Variants in AGBL4 observed in about 807,000 individuals in gnomAD.
AGBL4 encodes the protein cytosolic carboxypeptidase 6.
A neutral mutation model predicts 66.4 loss-of-function variants in AGBL4; 58 were observed. The ratio of observed to expected loss-of-function variants is 0.87; its 90% CI spans 0.71 to 1.09. The LOEUF (loss-of-function observed/expected upper bound fraction) is 1.09, where lower values mean the gene tolerates loss of function less well. Among genes scored for constraint, AGBL4 ranks in the 50% least tolerant of loss-of-function variants. The pLI is 0.00. For synonymous variants in AGBL4, 234 were observed against 222.9 expected (o/e 1.05, Z -0.44); for missense variants, 579 against 631.0 (o/e 0.92, Z 0.88).
intron 3 of AGBL4, among the ~76,000 whole-genome samples, chr1:49,515,079 T>C (rs1414858237): frequency 2.0e-5 from 3 of 151,608 alleles, no homozygotes; most frequent in Admixed American, 6.6e-5. Context: ...GCAAAAGAAA[T>C]TACCATCAGA....
At chr1:49,771,437 G>A (rs1318457505) in intron 2 of AGBL4, among the ~76,000 whole-genome samples, 1 of 152,020 alleles carries the variant, frequency 6.6e-6, no homozygotes, top group Admixed American at 6.6e-5. Context: ...CCTGGAGAAT[G>A]CTCCATGAGT....
chr1:49,996,660 C>T (rs1660389832), intron 1 of AGBL4, among the ~76,000 whole-genome samples: 1 of 152,120 alleles, frequency 6.6e-6, no homozygotes, highest in Non-Finnish European at 1.5e-5. Flanking sequence ...TTGAAGAAAA[C>T]ATCCTTAGCC....
chr1:48,731,148 T>C (rs1262003671), intron 6 of AGBL4, among the ~76,000 whole-genome samples: 1 of 151,986 alleles, frequency 6.6e-6, no homozygotes, highest in East Asian at 1.9e-4. Context: ...ACAATCTCAA[T>C]CCAGCAGACA....
chr1:49,862,026 G>A (rs1245482713), intron 1 of AGBL4, among the ~76,000 whole-genome samples: 1 of 151,938 alleles, frequency 6.6e-6, no homozygotes. Flanking sequence ...CAAAAACATG[G>A]TCTCACCAAA....
At chr1:48,637,033 A>G (rs1645678286) in intron 8 of AGBL4, among the ~76,000 whole-genome samples, 1 of 152,248 alleles carries the variant, frequency 6.6e-6, no homozygotes, top group East Asian at 1.9e-4. Context: ...TCTAACCTCA[A>G]GAAATGTATA....
intron 3 of AGBL4, among the ~76,000 whole-genome samples, chr1:49,464,594 T>A (rs1646585273): frequency 6.6e-6 from 1 of 151,790 alleles, no homozygotes; most frequent in Non-Finnish European, 1.5e-5. Context: ...TAGTGTGTTC[T>A]TTTGTTTTTA....
intron 5 of AGBL4, among the ~76,000 whole-genome samples, chr1:49,011,893 T>A (rs1345085384): frequency 2.6e-3 from 55 of 21,430 alleles, no homozygotes; most frequent in African/African-American, 7.2e-3. Flanking sequence ...GGGTGGGGGG[T>A]GGGGGGAGGG....
At chr1:48,527,062 G>C in the AGBL4 span, among the ~76,000 whole-genome samples, 1 of 152,148 alleles carries the variant, frequency 6.6e-6, no homozygotes, top group Admixed American at 6.5e-5. Flanking sequence ...TCTCAGAGAG[G>C]TTGAGGCTTT....
At chr1:49,509,982 C>G (rs903521914) in intron 3 of AGBL4, among the ~76,000 whole-genome samples, 2 of 151,968 alleles carry the variant, frequency 1.3e-5, no homozygotes, top group Non-Finnish European at 2.9e-5. Context: ...GCCTTTTATT[C>G]AAGGATGAGC....
At chr1:49,186,354 C>T (rs1458929751) in intron 4 of AGBL4, among the ~76,000 whole-genome samples, 1 of 152,114 alleles carries the variant, frequency 6.6e-6, no homozygotes, top group Non-Finnish European at 1.5e-5. Flanking sequence ...GGAAAACTGT[C>T]AAATGTGGTT....
chr1:49,857,216 T>C (rs991797923), intron 1 of AGBL4, among the ~76,000 whole-genome samples: 1 of 151,720 alleles, frequency 6.6e-6, no homozygotes, highest in African/African-American at 2.4e-5. Flanking sequence ...CTGATGAATA[T>C]AAAAATAAAA....
At chr1:49,948,022 A>AAATATATATT in intron 1 of AGBL4, among the ~76,000 whole-genome samples, 8 of 84,372 alleles carry the variant, frequency 9.5e-5, no homozygotes, top group Admixed American at 3.4e-4. Flanking sequence ...ATATAAATAT[A>AAATATATATT]TATAAATATA....
At chr1:49,023,857 T>A (rs1663434711) in intron 5 of AGBL4, among the ~76,000 whole-genome samples, 1 of 152,188 alleles carries the variant, frequency 6.6e-6, no homozygotes, top group African/African-American at 2.4e-5. Flanking sequence ...AATTAAAACA[T>A]GTGAGGACAT....
chr1:48,913,313 A>G (rs758489358), intron 5 of AGBL4, among the ~76,000 whole-genome samples: 1 of 152,154 alleles, frequency 6.6e-6, no homozygotes, highest in Admixed American at 6.5e-5. Context: ...GCTGTTGAGG[A>G]TGGGGGAGTG....
chr1:48,715,690 G>C (rs1647038458), intron 6 of AGBL4, among the ~76,000 whole-genome samples: 1 of 33,058 alleles, frequency 3.0e-5, no homozygotes, highest in Non-Finnish European at 8.1e-5. Context: ...TAACACAGTG[G>C]GGAGGGAAAA....
chr1:48,844,303 G>A (rs558786716), intron 6 of AGBL4, among the ~76,000 whole-genome samples: 1 of 152,240 alleles, frequency 6.6e-6, no homozygotes, highest in South Asian at 2.1e-4. Flanking sequence ...TCTCTTCTCA[G>A]TCAAGCTTCA....
chr1:49,486,766 T>C (rs151043167), intron 3 of AGBL4, among the ~76,000 whole-genome samples: 1 of 152,090 alleles, frequency 6.6e-6, no homozygotes, highest in East Asian at 1.9e-4. Flanking sequence ...GAAAATCTAA[T>C]GAAAAAATTT....
chr1:49,773,834 G>C (rs1020810488), intron 2 of AGBL4, among the ~76,000 whole-genome samples: 1 of 152,210 alleles, frequency 6.6e-6, no homozygotes, highest in East Asian at 1.9e-4. Flanking sequence ...GCAGCTGCAA[G>C]GAGCCTCTCC....
intron 5 of AGBL4, among the ~76,000 whole-genome samples, chr1:49,030,987 C>A (rs1277515152): frequency 6.7e-6 from 1 of 148,890 alleles, no homozygotes; most frequent in Non-Finnish European, 1.5e-5. Flanking sequence ...TACAAAGTTT[C>A]AGTTAGATAG....
Sources: allele counts gnomAD v4.1 joint callset (sites outside exome capture counted in the v4.1 genomes callset), GRCh38; gene constraint gnomAD v4.1.1; transcripts MANE v1.5; gene names NCBI Gene and HGNC (gene_info 2026-07-23, HGNC 2026-07-21).